COL27A1: variants seen among roughly 807,000 people sequenced by gnomAD.
COL27A1 encodes collagen alpha-1(XXVII) chain.
A neutral mutation model predicts 251.3 loss-of-function variants in COL27A1; 106 were observed. The ratio of observed to expected loss-of-function variants is 0.42; its 90% CI spans 0.36 to 0.50. COL27A1 has a LOEUF of 0.50. Ranked by LOEUF, COL27A1 falls within the 20% of genes least tolerant of loss-of-function variation. The probability of loss-of-function intolerance (pLI) is 0.00; values close to 1 mark genes in which losing one functional copy is unlikely to be tolerated. For synonymous variants in COL27A1, 1,000 were observed against 986.3 expected, an observed-to-expected ratio of 1.01 and a Z score of -0.26; for missense variants, 2,325 against 2,522.8, an observed-to-expected ratio of 0.92 and a Z score of 1.68.
chr9:114,181,125 A>G (rs1164642136), intron 4 of COL27A1, among the ~76,000 whole-genome samples: 1 of 151,950 alleles, frequency 6.6e-6, no homozygotes, highest in Non-Finnish European at 1.5e-5. Flanking sequence ...TTCCTTAGAG[A>G]CTGCTGGGTC....
At chr9:114,188,496 C>T (rs570367240) in intron 5 of COL27A1, among the ~76,000 whole-genome samples, 1 of 152,214 alleles carries the variant, frequency 6.6e-6, no homozygotes, top group South Asian at 2.1e-4. Context: ...CAAGGATGAT[C>T]ATAGTTCATA....
rs866680249 is a variant in COL27A1 at position 114,271,087 on chromosome 9, G to A, written c.3609+306G>A. The A allele has an allele frequency of 4.2e-4, 169 of 406,940 alleles. 1 individual carries two copies. The highest frequency in any genetic ancestry group is 3.0e-3 in the Middle Eastern group (5 of 1,642). 25.2% of individuals were successfully genotyped at this position (406,940 alleles called of 1,614,324 possible). A position where few individuals can be genotyped will look rare whatever the true frequency, so the allele number is the denominator to read the frequency against. Reference sequence around the variant, plus strand: ...TTCCTGAGCACCGGCACTACGCCAGGCCCAGAGCCAGAGTCTTTGGTCTCT... The same window carrying A: ...TTCCTGAGCACCGGCACTACGCCAGACCCAGAGCCAGAGTCTTTGGTCTCT... On this transcript the variant is annotated intron_variant, in intron 36 of 60. Transcript: ENST00000356083.
chr9:114,310,361 G>A (rs1829362683), intron 60 of COL27A1, among the ~76,000 whole-genome samples, 188 bp from the exon 61 acceptor site: 3 of 152,120 alleles, frequency 2.0e-5, no homozygotes, highest in Admixed American at 6.5e-5. Flanking sequence ...TTACAGTGAT[G>A]TTCATGACAG....
intron 27 of COL27A1, 61 bp from the exon 28 acceptor site, chr9:114,258,480 C>A (rs1205036456): frequency 3.3e-6 from 5 of 1,515,508 alleles, no homozygotes; most frequent in Admixed American, 3.7e-5. Flanking sequence ...CACTCCCAGC[C>A]CCCCGTGTTG....
chr9:114,182,891 T>A, intron 4 of COL27A1, 131 bp from the exon 5 acceptor site: 2 of 779,420 alleles, frequency 2.6e-6, no homozygotes, highest in Non-Finnish European at 4.4e-6. Flanking sequence ...GCCACGACAG[T>A]GTTGCTAGGG....
intron 36 of COL27A1, 184 bp downstream of exon 36, chr9:114,270,965 T>TC: frequency 1.7e-6 from 1 of 590,964 alleles, no homozygotes; most frequent in East Asian, 3.1e-5. Context: ...CACCCTGCCC[T>TC]CTGCACTACC....
intron 3 of COL27A1, among the ~76,000 whole-genome samples, chr9:114,173,329 C>T (rs1334383310): frequency 6.6e-6 from 1 of 152,264 alleles, no homozygotes; most frequent in East Asian, 1.9e-4. Context: ...GCCCACACCA[C>T]GTGCTCTGTG....
chr9:114,275,446 G>A (rs542038775), intron 36 of COL27A1, among the ~76,000 whole-genome samples: 17 of 152,230 alleles, frequency 1.1e-4, no homozygotes, highest in South Asian at 2.1e-4. Flanking sequence ...GAGCCTCTAC[G>A]TCTGGGATGC....
intron 4 of COL27A1, among the ~76,000 whole-genome samples, chr9:114,179,832 C>CTTTTTTT (rs139712391): frequency 2.0e-5 from 2 of 100,190 alleles, no homozygotes; most frequent in Admixed American, 1.2e-4. Flanking sequence ...AGCCTACCAT[C>CTTTTTTT]TTTTTTTTTT....
At chr9:114,252,293 G>A (rs2135529759) in intron 25 of COL27A1, among the ~76,000 whole-genome samples, 1 of 152,314 alleles carries the variant, frequency 6.6e-6, no homozygotes, top group Admixed American at 6.5e-5. Flanking sequence ...CAGGATCAAA[G>A]GGGACAGTGT....
intron 57 of COL27A1, 59 bp downstream of exon 57, chr9:114,304,732 A>G: frequency 1.4e-6 from 2 of 1,434,682 alleles, no homozygotes; most frequent in Admixed American, 3.4e-5. Flanking sequence ...CAAATAGATA[A>G]TGGCCCACAT....
intron 5 of COL27A1, among the ~76,000 whole-genome samples, chr9:114,184,494 T>A (rs1264182834): frequency 3.9e-5 from 6 of 152,212 alleles, no homozygotes; most frequent in African/African-American, 1.2e-4. Flanking sequence ...CCCCTCTAGA[T>A]CTGTGACTCT....
intron 2 of COL27A1, among the ~76,000 whole-genome samples, chr9:114,165,731 T>G (rs563891090): frequency 6.7e-6 from 1 of 149,720 alleles, no homozygotes; most frequent in African/African-American, 2.5e-5. Flanking sequence ...TATCTATTCA[T>G]TCGTCCATTA....
chr9:114,162,029 G>A (rs1037098811), intron 1 of COL27A1, among the ~76,000 whole-genome samples: 43 of 152,326 alleles, frequency 2.8e-4, no homozygotes, highest in African/African-American at 9.4e-4. Context: ...CAACTCATTC[G>A]GGGTCATACA....
intron 6 of COL27A1, among the ~76,000 whole-genome samples, chr9:114,195,039 A>G (rs553458252): frequency 1.3e-5 from 2 of 152,308 alleles, no homozygotes; most frequent in East Asian, 1.9e-4. Context: ...GAGGGAGTGC[A>G]GGACAGATGG....
chr9:114,212,808 T>C (rs1830453815), intron 12 of COL27A1, among the ~76,000 whole-genome samples: 1 of 152,240 alleles, frequency 6.6e-6, no homozygotes, highest in African/African-American at 2.4e-5. Flanking sequence ...TAAGGTTTCC[T>C]GGATGGCTGA....
At chr9:114,231,776 G>A (rs1461832877) in intron 15 of COL27A1, 46 bp from the exon 16 acceptor site, 1 of 1,607,434 alleles carries the variant, frequency 6.2e-7, no homozygotes, top group Non-Finnish European at 8.5e-7. Flanking sequence ...CCTGACTTCT[G>A]TGGCCTAGAG....
chr9:114,260,982 C>A (rs1834285135), intron 28 of COL27A1, among the ~76,000 whole-genome samples: 2 of 152,220 alleles, frequency 1.3e-5, no homozygotes, highest in Non-Finnish European at 2.9e-5. Flanking sequence ...AATCCAGGCT[C>A]TTCCTCTTGG....
chr9:114,266,543 T>G, intron 32 of COL27A1, 22 bp from the exon 33 acceptor site: 1 of 1,611,406 alleles, frequency 6.2e-7, no homozygotes, highest in Non-Finnish European at 8.5e-7. Context: ...CCCAACTGTC[T>G]GTGTGTCTGT....
Sources: allele counts gnomAD v4.1 joint callset (sites outside exome capture counted in the v4.1 genomes callset), GRCh38; gene constraint gnomAD v4.1.1; transcripts MANE v1.5; gene names NCBI Gene and HGNC (gene_info 2026-07-23, HGNC 2026-07-21).